Variants in LEPR observed in about 807,000 individuals in gnomAD.
LEPR encodes OB receptor.
LEPR carries 56 observed loss-of-function variants against 114.7 expected under a neutral mutation model. The ratio of observed to expected loss-of-function variants is 0.49; its 90% CI spans 0.39 to 0.61. LEPR has a LOEUF of 0.61. LEPR is among the 20% of genes least tolerant of loss of function. The pLI is 0.00. For missense variants in LEPR, 1,202 were observed against 1,352.9 expected (o/e 0.89, Z 1.75); for synonymous variants, 443 against 461.4 (o/e 0.96, Z 0.51).
At chr1:65,618,679 G>A (rs932740667) in intron 16 of LEPR, among the ~76,000 whole-genome samples, 1 of 151,788 alleles carries the variant, frequency 6.6e-6, no homozygotes, top group African/African-American at 2.4e-5. Context: ...TTATACAGGG[G>A]TTATCATATC....
chr1:65,426,770 G>A (rs540999194), intron 2 of LEPR, among the ~76,000 whole-genome samples: 109 of 151,908 alleles, frequency 7.2e-4, no homozygotes, highest in South Asian at 1.0e-3. Flanking sequence ...AGGCTGAGGC[G>A]GGCAGATCAC....
chr1:65,546,797 T>C (rs2100692003), intron 2 of LEPR, among the ~76,000 whole-genome samples: 1 of 152,312 alleles, frequency 6.6e-6, no homozygotes, highest in East Asian at 1.9e-4. Context: ...GAATACCCTT[T>C]ATTTCCTTCT....
At chr1:65,492,933 G>A (rs990466682) in intron 2 of LEPR, among the ~76,000 whole-genome samples, 2 of 151,770 alleles carry the variant, frequency 1.3e-5, no homozygotes, top group Admixed American at 1.3e-4. Context: ...TCTGTGCCGC[G>A]GTGGTTTGCT....
intron 2 of LEPR, among the ~76,000 whole-genome samples, chr1:65,449,900 T>C (rs1054137313): frequency 6.6e-6 from 1 of 152,164 alleles, no homozygotes; most frequent in Non-Finnish European, 1.5e-5. Context: ...ATGGCATAAA[T>C]GTTCATCTAA....
intron 5 of LEPR, among the ~76,000 whole-genome samples, chr1:65,591,631 A>G (rs1655703474): frequency 6.6e-6 from 1 of 152,094 alleles, no homozygotes; most frequent in African/African-American, 2.4e-5. Flanking sequence ...TCTGATGTTA[A>G]TATAACCATT....
At chr1:65,527,147 A>C (rs1650029951) in intron 2 of LEPR, among the ~76,000 whole-genome samples, 1 of 152,266 alleles carries the variant, frequency 6.6e-6, no homozygotes. Context: ...GAAGGAAAAC[A>C]AACATTGCAC....
chr1:65,476,462 T>C (rs1401886350), intron 2 of LEPR, among the ~76,000 whole-genome samples: 1 of 152,184 alleles, frequency 6.6e-6, no homozygotes, highest in Non-Finnish European at 1.5e-5. Context: ...AATAGCTCAG[T>C]AAAGGTCTAC....
intron 2 of LEPR, among the ~76,000 whole-genome samples, chr1:65,554,777 A>G (rs1470959398): frequency 6.6e-6 from 1 of 152,002 alleles, no homozygotes; most frequent in Non-Finnish European, 1.5e-5. Flanking sequence ...AACTCCTGCA[A>G]CTAGTTTGGT....
At chr1:65,485,956 AT>A (rs961391487) in intron 2 of LEPR, among the ~76,000 whole-genome samples, 18 of 152,252 alleles carry the variant, frequency 1.2e-4, no homozygotes, top group African/African-American at 3.4e-4. Context: ...CCAAAGCTCC[AT>A]TTTGGAATCT....
At chr1:65,490,555 C>A (rs554369904) in intron 2 of LEPR, among the ~76,000 whole-genome samples, 1 of 151,978 alleles carries the variant, frequency 6.6e-6, no homozygotes, top group African/African-American at 2.4e-5. Flanking sequence ...GAACTTTTCC[C>A]CGTTCAATCC....
intron 2 of LEPR, among the ~76,000 whole-genome samples, chr1:65,555,679 G>A (rs1317918418): frequency 6.6e-6 from 1 of 152,072 alleles, no homozygotes; most frequent in Non-Finnish European, 1.5e-5. Flanking sequence ...ATGGGAATTT[G>A]CTTATTTTTC....
chr1:65,453,860 C>A (rs1400579225), intron 2 of LEPR, among the ~76,000 whole-genome samples: 3 of 151,542 alleles, frequency 2.0e-5, no homozygotes, highest in Non-Finnish European at 2.9e-5. Context: ...TCTCGTTGAT[C>A]TGTCTAATGT....
chr1:65,527,756 G>A lies in LEPR; in HGVS notation c.-20-37790G>A, dbSNP rs77951576. Among the ~76,000 whole-genome samples, 820 of 152,244 alleles carry A rather than the reference G, an allele frequency of 5.4e-3. 5 individuals are homozygous for A. The highest frequency in any genetic ancestry group is 0.019 in the African/African-American group (787 of 41,542). ...TTTTTGCCTTTGGGCTGGAAATGTCGTAAGTTACTCAGGCATTTATCTTCC... is the reference window on the plus strand; with the variant it reads ...TTTTTGCCTTTGGGCTGGAAATGTCATAAGTTACTCAGGCATTTATCTTCC... On this transcript the variant is annotated intron_variant, in intron 2 of 19. Coordinates refer to ENST00000349533, the MANE Select transcript of LEPR (RefSeq NM_002303.6).
At chr1:65,546,066 TC>T (rs1651689251) in intron 2 of LEPR, among the ~76,000 whole-genome samples, 1 of 151,964 alleles carries the variant, frequency 6.6e-6, no homozygotes, top group Non-Finnish European at 1.5e-5. Context: ...AAATAGGGAA[TC>T]CTTTCCCCAT....
At chr1:65,544,826 T>C (rs1186325640) in intron 2 of LEPR, among the ~76,000 whole-genome samples, 1 of 151,166 alleles carries the variant, frequency 6.6e-6, no homozygotes, top group African/African-American at 2.4e-5. Flanking sequence ...ATTATTATAC[T>C]TTAAGTTTTA....
intron 2 of LEPR, among the ~76,000 whole-genome samples, chr1:65,479,267 TA>T (rs1647191476): frequency 7.0e-6 from 1 of 141,930 alleles, no homozygotes; most frequent in Non-Finnish European, 1.5e-5. Context: ...GTACAGGACA[TA>T]TTTTTTTTTA....
At chr1:65,568,659 C>T (rs927559841) in intron 3 of LEPR, among the ~76,000 whole-genome samples, 1 of 152,054 alleles carries the variant, frequency 6.6e-6, no homozygotes, top group African/African-American at 2.4e-5. Flanking sequence ...CTTTTTGTTA[C>T]AATGATTTCT....
intron 2 of LEPR, among the ~76,000 whole-genome samples, chr1:65,497,545 T>C (rs780767398): frequency 7.9e-5 from 12 of 152,224 alleles, no homozygotes; most frequent in Admixed American, 3.9e-4. Flanking sequence ...AACTGAAAGA[T>C]TGATGAAAGG....
At chr1:65,425,439 G>T in intron 2 of LEPR, 61 bp downstream of exon 2, 1 of 1,428,424 alleles carries the variant, frequency 7.0e-7, no homozygotes, top group Admixed American at 2.4e-5. Context: ...TATTAGTATG[G>T]GTGTTAGAGA....
Sources: allele counts gnomAD v4.1 joint callset (sites outside exome capture counted in the v4.1 genomes callset), GRCh38; gene constraint gnomAD v4.1.1; transcripts MANE v1.5; gene names NCBI Gene and HGNC (gene_info 2026-07-23, HGNC 2026-07-21).